ADAM18: variants seen among roughly 807,000 people sequenced by gnomAD.
The protein encoded by ADAM18 is ADAM metallopeptidase domain 18.
ADAM18 carries 117 observed loss-of-function variants against 94.4 expected under a neutral mutation model. The observed-to-expected ratio is 1.24, with a 90% CI of 1.07 to 1.45. The LOEUF (loss-of-function observed/expected upper bound fraction) is 1.45, where lower values mean the gene tolerates loss of function less well. Among genes scored for constraint, ADAM18 ranks in the 40% most tolerant of loss-of-function variants. The pLI, the probability that ADAM18 is intolerant of heterozygous loss-of-function variation, is 0.00. For missense variants in ADAM18, 936 were observed against 880.0 expected, an observed-to-expected ratio of 1.06 and a Z score of -0.81; for synonymous variants, 327 against 291.6, an observed-to-expected ratio of 1.12 and a Z score of -1.24.
intron 16 of ADAM18, 94 bp downstream of exon 16, chr8:39,680,320 G>T: frequency 8.6e-7 from 1 of 1,168,898 alleles, no homozygotes; most frequent in South Asian, 1.7e-5. Context: ...TATATTGAAT[G>T]GATTTAAACT....
intron 12 of ADAM18, among the ~76,000 whole-genome samples, chr8:39,650,952 C>A (rs940818392): frequency 6.6e-6 from 1 of 152,144 alleles, no homozygotes; most frequent in African/African-American, 2.4e-5. Context: ...TGGCACCAGT[C>A]TCTGAGTTCC....
chr8:39,663,268 T>A (rs563729921), intron 12 of ADAM18, among the ~76,000 whole-genome samples: 3 of 151,842 alleles, frequency 2.0e-5, no homozygotes, highest in Non-Finnish European at 4.4e-5. Context: ...GTTCTTACAC[T>A]TGCATGTACC....
chr8:39,700,191 A>G (rs949624563), intron 17 of ADAM18, among the ~76,000 whole-genome samples: 2 of 152,224 alleles, frequency 1.3e-5, no homozygotes. Flanking sequence ...TTTTTAAGAA[A>G]ATCACATAAT....
chr8:39,621,901 C>A (rs1479632222), intron 6 of ADAM18, among the ~76,000 whole-genome samples: 2 of 152,026 alleles, frequency 1.3e-5, no homozygotes, highest in Non-Finnish European at 2.9e-5. Flanking sequence ...TGTGGGGAAA[C>A]AACACACACT....
chr8:39,637,185 C>G (rs569629353), intron 7 of ADAM18, 79 bp from the exon 8 acceptor site: 1 of 1,129,514 alleles, frequency 8.9e-7, no homozygotes, highest in African/African-American at 1.6e-5. Context: ...CTTATAATAT[C>G]TAATACAATG....
chr8:39,628,353 A>T (rs1444878172), intron 6 of ADAM18, among the ~76,000 whole-genome samples: 2 of 152,018 alleles, frequency 1.3e-5, no homozygotes, highest in African/African-American at 4.8e-5. Context: ...ATAAATAAAC[A>T]TGTATGTCTT....
chr8:39,637,055 A>ATATACACATATATATATATATGTG, intron 7 of ADAM18, among the ~76,000 whole-genome samples: 1 of 138,532 alleles, frequency 7.2e-6, no homozygotes, highest in African/African-American at 2.7e-5. Flanking sequence ...ATATATATAT[A>ATATACACATATATATATATATGTG]TATATATATA....
At chr8:39,686,799 T>C (rs978424461) in intron 16 of ADAM18, among the ~76,000 whole-genome samples, 1 of 152,240 alleles carries the variant, frequency 6.6e-6, no homozygotes, top group Non-Finnish European at 1.5e-5. Context: ...CAGAACTCTG[T>C]GCAATTGGAA....
chr8:39,649,024 G>T (rs560232029), intron 12 of ADAM18, among the ~76,000 whole-genome samples: 1 of 151,858 alleles, frequency 6.6e-6, no homozygotes, highest in African/African-American at 2.4e-5. Context: ...GTATATACCC[G>T]ATTATAATTT....
chr8:39,609,387 A>G, intron 4 of ADAM18, 98 bp from the exon 5 acceptor site: 1 of 802,360 alleles, frequency 1.2e-6, no homozygotes, highest in Non-Finnish European at 2.0e-6. Context: ...TGATCTTATT[A>G]TTAAATCTTT....
intron 2 of ADAM18, among the ~76,000 whole-genome samples, chr8:39,586,807 T>TATCTA (rs1231015074): frequency 1.1e-4 from 8 of 72,290 alleles, no homozygotes; most frequent in Non-Finnish European, 2.0e-4. Flanking sequence ...TATCTATATC[T>TATCTA]ATCTATCTAT....
chr8:39,712,385 G>T (rs1231658612), intron 18 of ADAM18, among the ~76,000 whole-genome samples: 1 of 146,374 alleles, frequency 6.8e-6, no homozygotes, highest in Non-Finnish European at 1.5e-5. Context: ...ACTGGCACAA[G>T]ATAAGGATGC....
At chr8:39,636,358 T>C (rs1354679053) in intron 7 of ADAM18, among the ~76,000 whole-genome samples, 1 of 152,212 alleles carries the variant, frequency 6.6e-6, no homozygotes, top group Non-Finnish European at 1.5e-5. Context: ...GAATCCACTT[T>C]AATAGTTATA....
chr8:39,607,242 C>T (rs1445538192), intron 3 of ADAM18, among the ~76,000 whole-genome samples: 2 of 152,194 alleles, frequency 1.3e-5, no homozygotes, highest in Non-Finnish European at 2.9e-5. Context: ...TAAGAGCCCT[C>T]ATGTTTTCTC....
chr8:39,612,742 A>T (rs754235657), intron 6 of ADAM18, among the ~76,000 whole-genome samples: 1 of 152,212 alleles, frequency 6.6e-6, no homozygotes, highest in Middle Eastern at 3.4e-3. Context: ...GGCTACATTC[A>T]TTTGCAGCAC....
chr8:39,608,996 A>G (rs775738206), intron 3 of ADAM18, 46 bp from the exon 4 acceptor site: 39 of 1,098,890 alleles, frequency 3.5e-5, no homozygotes, highest in Non-Finnish European at 4.9e-5. Flanking sequence ...TTAACATTAT[A>G]TTAAGATTAT....
rs1821043013 is a variant in ADAM18, at chr8:39,668,122, A to T, written c.1451A>T (p.Lys484Met). 1.2e-6 allele frequency: 2 copies of T among 1,614,008 alleles called. No individual in the cohort carries two copies. The highest frequency in any genetic ancestry group is 1.7e-5 in the Admixed American group (1 of 59,988). ...TATGCATTGAATGGCCGTTTGTGCAAGTTGGGAACTGCCTATTGCTATAAC... is the reference window on the plus strand; with the variant it reads ...TATGCATTGAATGGCCGTTTGTGCATGTTGGGAACTGCCTATTGCTATAAC... ...DTYALNGRLC[K>M]LGTAYCYNGQ... Residue 484 changes from lysine to methionine, a missense_variant, in exon 14 of 20, where the codon AAG (lysine) becomes ATG (methionine). Transcript: ENST00000265707.
intron 6 of ADAM18, among the ~76,000 whole-genome samples, chr8:39,612,920 C>G (rs1563275183): frequency 6.6e-6 from 1 of 152,128 alleles, no homozygotes; most frequent in African/African-American, 2.4e-5. Flanking sequence ...CCCATAGCCT[C>G]CCCCATTATT....
intron 13 of ADAM18, 129 bp from the exon 14 acceptor site, chr8:39,667,869 C>T (rs557393677): frequency 2.3e-4 from 207 of 909,452 alleles, no homozygotes; most frequent in South Asian, 1.1e-3. Context: ...GGCAAACTCA[C>T]GGACTTGGGA....
Sources: gnomAD v4.1 joint callset for allele counts (sites outside exome capture counted in the v4.1 genomes callset) on GRCh38, gnomAD v4.1.1 for gene constraint, MANE v1.5 for transcripts, NCBI Gene and HGNC (gene_info 2026-07-23, HGNC 2026-07-21) for gene names.